Variants in NALF1 observed in about 807,000 individuals in gnomAD.
NALF1 encodes NALCN channel auxiliary factor 1.
Under a neutral mutation model 48.4 loss-of-function variants are expected in NALF1, and 3 were observed. The ratio of observed to expected loss-of-function variants is 0.06; its 90% CI spans 0.03 to 0.16. The LOEUF is 0.16. Ranked by LOEUF, NALF1 falls within the 10% of genes least tolerant of loss-of-function variation. NALF1 has a pLI of 1.00. For missense variants in NALF1, 526 were observed against 571.5 expected (o/e 0.92, Z 0.81); for synonymous variants, 262 against 245.7 (o/e 1.07, Z -0.62).
intron 1 of NALF1, among the ~76,000 whole-genome samples, chr13:107,537,050 G>A (rs924964688): frequency 4.6e-5 from 7 of 152,052 alleles, no homozygotes; most frequent in Non-Finnish European, 1.0e-4. Flanking sequence ...TGGACACAGG[G>A]CGGGGAACAT....
intron 1 of NALF1, among the ~76,000 whole-genome samples, chr13:107,415,957 G>A (rs1014151395): frequency 6.6e-6 from 1 of 151,774 alleles, no homozygotes; most frequent in Admixed American, 6.6e-5. Context: ...AACTATATTT[G>A]TCCCTTGAAC....
At chr13:107,380,186 T>A (rs1883408637) in intron 1 of NALF1, among the ~76,000 whole-genome samples, 1 of 152,210 alleles carries the variant, frequency 6.6e-6, no homozygotes, top group Non-Finnish European at 1.5e-5. Flanking sequence ...AATCCTTAAC[T>A]AAATATATCT....
chr13:107,499,608 C>T (rs1317333765), intron 1 of NALF1, among the ~76,000 whole-genome samples: 1 of 152,110 alleles, frequency 6.6e-6, no homozygotes, highest in African/African-American at 2.4e-5. Context: ...TCTTAAGTCA[C>T]TATTATACTA....
chr13:107,797,501 G>A (rs1385767663), intron 1 of NALF1, among the ~76,000 whole-genome samples: 1 of 152,088 alleles, frequency 6.6e-6, no homozygotes, highest in Non-Finnish European at 1.5e-5. Context: ...GAGCCACCGC[G>A]CCCGGCCCAC....
chr13:107,426,547 A>G (rs1884284403), intron 1 of NALF1, among the ~76,000 whole-genome samples: 1 of 152,072 alleles, frequency 6.6e-6, no homozygotes, highest in South Asian at 2.1e-4. Context: ...TGGGTTAATT[A>G]TTTTTTACCA....
intron 1 of NALF1, among the ~76,000 whole-genome samples, chr13:107,647,987 G>A (rs895820680): frequency 1.3e-5 from 2 of 152,040 alleles, no homozygotes; most frequent in Non-Finnish European, 2.9e-5. Context: ...TCAAAATTAT[G>A]TGTATTACAA....
rs577031125 is a variant in NALF1 at position 107,536,711 on chromosome 13, C to T, written c.916-325956G>A. 2.0e-3 allele frequency among the ~76,000 whole-genome samples: 297 copies of T among 152,236 alleles called. 2 individuals are homozygous for T. Among genetic ancestry groups the T allele is most frequent in the African/African-American group, 6.9e-3 (285 of 41,538 alleles). ...CTAGAACTAGAAATACCATTTGACC[C>T]AGCCATCCCATTACTGGGTATATAC... On this transcript the variant is annotated intron_variant, in intron 1 of 2. Coordinates refer to ENST00000375915, the MANE Select transcript of NALF1 (RefSeq NM_001080396.3).
chr13:107,596,374 AC>A (rs1878748309), intron 1 of NALF1, among the ~76,000 whole-genome samples: 1 of 152,232 alleles, frequency 6.6e-6, no homozygotes. Flanking sequence ...ACGCACACAT[AC>A]GTGTATTGCA....
intron 1 of NALF1, among the ~76,000 whole-genome samples, chr13:107,294,808 C>T (rs1881693834): frequency 6.6e-6 from 1 of 152,102 alleles, no homozygotes; most frequent in South Asian, 2.1e-4. Flanking sequence ...AACCTAACTT[C>T]CTTAAGTTAA....
intron 1 of NALF1, among the ~76,000 whole-genome samples, chr13:107,814,701 G>A (rs1002402136): frequency 1.6e-4 from 25 of 151,662 alleles, no homozygotes; most frequent in Non-Finnish European, 3.2e-4. Context: ...GGAAAGAATT[G>A]AAAAAAGGAA....
At chr13:107,265,590 G>C (rs975858532) in intron 1 of NALF1, among the ~76,000 whole-genome samples, 3 of 152,002 alleles carry the variant, frequency 2.0e-5, no homozygotes, top group African/African-American at 7.2e-5. Flanking sequence ...GTTTTTAGTA[G>C]AGATGGGGTT....
At chr13:107,197,979 C>T (rs911097130) in intron 2 of NALF1, among the ~76,000 whole-genome samples, 1 of 152,076 alleles carries the variant, frequency 6.6e-6, no homozygotes, top group Non-Finnish European at 1.5e-5. Flanking sequence ...GTCTATATTT[C>T]CTTTCAGAAC....
chr13:107,590,117 A>T (rs1878564633), intron 1 of NALF1, among the ~76,000 whole-genome samples: 1 of 152,226 alleles, frequency 6.6e-6, no homozygotes, highest in Non-Finnish European at 1.5e-5. Context: ...AGTGAAAAGT[A>T]CCACCATCAT....
intron 1 of NALF1, among the ~76,000 whole-genome samples, chr13:107,840,011 C>T (rs1347779430): frequency 1.3e-5 from 2 of 152,182 alleles, no homozygotes; most frequent in African/African-American, 4.8e-5. Flanking sequence ...ACAAGTTGAT[C>T]CTATACATAC....
At chr13:107,454,316 G>T (rs922848627) in intron 1 of NALF1, among the ~76,000 whole-genome samples, 1 of 152,160 alleles carries the variant, frequency 6.6e-6, no homozygotes, top group African/African-American at 2.4e-5. Flanking sequence ...AGGTTTAATT[G>T]ACTCACAGTT....
intron 1 of NALF1, among the ~76,000 whole-genome samples, chr13:107,678,476 G>A (rs1402450451): frequency 6.6e-6 from 1 of 152,222 alleles, no homozygotes; most frequent in Non-Finnish European, 1.5e-5. Context: ...ACAGAGCTGT[G>A]TCCTACACCG....
intron 2 of NALF1, among the ~76,000 whole-genome samples, chr13:107,197,051 G>A (rs1371324822): frequency 3.9e-5 from 6 of 152,110 alleles, no homozygotes; most frequent in East Asian, 1.9e-4. Context: ...AGTGGGGCCC[G>A]CTGGTAGAAC....
intron 1 of NALF1, among the ~76,000 whole-genome samples, chr13:107,623,134 G>A (rs1439600621): frequency 6.6e-6 from 1 of 152,100 alleles, no homozygotes; most frequent in Non-Finnish European, 1.5e-5. Flanking sequence ...TCATAATTTT[G>A]CATGGTAAAC....
intron 1 of NALF1, among the ~76,000 whole-genome samples, chr13:107,302,843 C>G (rs188772348): frequency 1.3e-5 from 2 of 152,194 alleles, no homozygotes; most frequent in Non-Finnish European, 2.9e-5. Flanking sequence ...CTCTCTCTCA[C>G]TCTCTCACAC....
Sources: gnomAD v4.1 joint callset for allele counts (sites outside exome capture counted in the v4.1 genomes callset) on GRCh38, gnomAD v4.1.1 for gene constraint, MANE v1.5 for transcripts, NCBI Gene and HGNC (gene_info 2026-07-23, HGNC 2026-07-21) for gene names.